Variants in NDST4 observed in about 807,000 individuals in gnomAD.
The protein encoded by NDST4 is N-deacetylase and N-sulfotransferase 4.
In NDST4, 63 loss-of-function variants were observed where a neutral mutation model predicts 100.8. The ratio of observed to expected loss-of-function variants is 0.62; its 90% confidence interval spans 0.51 to 0.77. NDST4 has a LOEUF of 0.77. NDST4 is among the 30% of genes least tolerant of loss of function. The pLI is 0.00. For synonymous variants in NDST4, 377 were observed against 361.8 expected (o/e 1.04, Z -0.48); for missense variants, 943 against 1,018.4 (o/e 0.93, Z 1.01).
chr4:114,845,545 A>T (rs556275017), intron 10 of NDST4, among the ~76,000 whole-genome samples: 1 of 152,328 alleles, frequency 6.6e-6, no homozygotes, highest in African/African-American at 2.4e-5. Flanking sequence ...AATTTTTGAT[A>T]AATCAACATT....
intron 2 of NDST4, among the ~76,000 whole-genome samples, chr4:115,062,163 G>A (rs1728838599): frequency 6.6e-6 from 1 of 151,932 alleles, no homozygotes; most frequent in Non-Finnish European, 1.5e-5. Flanking sequence ...TAGTCAATGG[G>A]TAGAGAGTTT....
At chr4:115,040,209 G>A (rs1728321684) in intron 2 of NDST4, among the ~76,000 whole-genome samples, 1 of 150,338 alleles carries the variant, frequency 6.7e-6, no homozygotes, top group Non-Finnish European at 1.5e-5. Flanking sequence ...TAAATTTTAA[G>A]AAGTAATCTA....
At chr4:114,946,930 G>A (rs1444729334) in intron 4 of NDST4, among the ~76,000 whole-genome samples, 1 of 151,918 alleles carries the variant, frequency 6.6e-6, no homozygotes, top group Non-Finnish European at 1.5e-5. Context: ...TTGTATTGAA[G>A]TGGAAGTTGT....
intron 2 of NDST4, among the ~76,000 whole-genome samples, chr4:115,029,575 A>T (rs1202018379): frequency 6.6e-6 from 1 of 152,104 alleles, no homozygotes; most frequent in Admixed American, 6.6e-5. Flanking sequence ...GAAAGGAAGG[A>T]GTAAGCCTAA....
chr4:115,010,321 T>C (rs1727513752), intron 2 of NDST4, among the ~76,000 whole-genome samples: 1 of 126,486 alleles, frequency 7.9e-6, no homozygotes, highest in Admixed American at 8.1e-5. Flanking sequence ...ATTAAGAAAA[T>C]GTGGCACATA....
At position 114,880,118 on chromosome 4, in the gene NDST4, C is replaced by T. The variant is rs572882321; in HGVS notation, c.1537-9168G>A. Among the ~76,000 whole-genome samples, 8 of 152,244 alleles carry T rather than the reference C, an allele frequency of 5.3e-5. No homozygotes were observed. The South Asian group carries it at 1.7e-3, about 32-fold the overall frequency. ...CTGTTCTAACTGAGAACAGAAGGCT[C>T]CTGCTATATTTCAGTGAGCAGGTGC... On this transcript the variant is annotated intron_variant, in intron 6 of 13. Coordinates refer to ENST00000264363, the MANE Select transcript of NDST4 (RefSeq NM_022569.3).
At chr4:115,000,520 C>A (rs919994966) in intron 2 of NDST4, among the ~76,000 whole-genome samples, 1 of 151,986 alleles carries the variant, frequency 6.6e-6, no homozygotes, top group African/African-American at 2.4e-5. Context: ...AAAGGATTGT[C>A]AGTAATTTAA....
chr4:114,908,852 TCTA>T (rs1725005988), intron 6 of NDST4, among the ~76,000 whole-genome samples: 1 of 152,218 alleles, frequency 6.6e-6, no homozygotes, highest in Non-Finnish European at 1.5e-5. Context: ...TTTAACATTT[TCTA>T]CTTTCATAAT....
chr4:114,873,504 T>A (rs1255563746), intron 6 of NDST4, among the ~76,000 whole-genome samples: 1 of 151,940 alleles, frequency 6.6e-6, no homozygotes, highest in Non-Finnish European at 1.5e-5. Context: ...TAACTTAAAT[T>A]TCTACCTAGA....
chr4:114,945,303 G>A (rs938863559), intron 4 of NDST4, among the ~76,000 whole-genome samples: 1 of 149,360 alleles, frequency 6.7e-6, no homozygotes, highest in African/African-American at 2.5e-5. Flanking sequence ...TACACAAATC[G>A]CTGGGCAGAA....
chr4:115,058,699 A>G (rs1578489279), intron 2 of NDST4, among the ~76,000 whole-genome samples: 2 of 152,236 alleles, frequency 1.3e-5, no homozygotes, highest in South Asian at 2.1e-4. Context: ...TAAAGGCAAC[A>G]ACGTTTGAAA....
chr4:115,044,319 A>T (rs556145871), intron 2 of NDST4, among the ~76,000 whole-genome samples: 17 of 152,180 alleles, frequency 1.1e-4, no homozygotes, highest in Non-Finnish European at 2.1e-4. Flanking sequence ...TTAAAGATTC[A>T]GGGGCAACAA....
chr4:114,853,021 A>G (rs1417182068), intron 7 of NDST4, among the ~76,000 whole-genome samples, 200 bp from the exon 8 acceptor site: 1 of 152,284 alleles, frequency 6.6e-6, no homozygotes. Flanking sequence ...GGGACTCAGC[A>G]TCAAGTCCTT....
intron 7 of NDST4, among the ~76,000 whole-genome samples, chr4:114,854,417 G>A (rs1230572179): frequency 6.6e-6 from 1 of 152,118 alleles, no homozygotes; most frequent in Non-Finnish European, 1.5e-5. Context: ...TGGCTATTGT[G>A]AATAGTGCTG....
chr4:114,887,497 T>C (rs1724504337), intron 6 of NDST4, among the ~76,000 whole-genome samples: 1 of 152,150 alleles, frequency 6.6e-6, no homozygotes, highest in Non-Finnish European at 1.5e-5. Flanking sequence ...AGTTTTTGAT[T>C]AACAAGGATA....
chr4:115,109,865 T>C (rs551248), intron 1 of NDST4, among the ~76,000 whole-genome samples: 26,924 of 151,798 alleles, frequency 0.18, 2,756 homozygotes, highest in East Asian at 0.43. Flanking sequence ...TGAATACTGA[T>C]GAATATAGAC....
chr4:115,052,818 A>G (rs769569008), intron 2 of NDST4, among the ~76,000 whole-genome samples: 2 of 152,122 alleles, frequency 1.3e-5, no homozygotes, highest in Non-Finnish European at 2.9e-5. Context: ...AACACTGTAC[A>G]GTGTTAACAC....
At chr4:114,990,104 A>C (rs1198943660) in intron 2 of NDST4, among the ~76,000 whole-genome samples, 1 of 152,138 alleles carries the variant, frequency 6.6e-6, no homozygotes, top group Non-Finnish European at 1.5e-5. Flanking sequence ...AATATTTTGA[A>C]GAAAAGATGA....
intron 4 of NDST4, among the ~76,000 whole-genome samples, chr4:114,962,256 A>G (rs1726279735): frequency 6.6e-6 from 1 of 152,094 alleles, no homozygotes; most frequent in South Asian, 2.1e-4. Flanking sequence ...TAAAACAAGG[A>G]TATTTGTTCT....
Sources: allele counts gnomAD v4.1 joint callset (sites outside exome capture counted in the v4.1 genomes callset), GRCh38; gene constraint gnomAD v4.1.1; transcripts MANE v1.5; gene names NCBI Gene and HGNC (gene_info 2026-07-23, HGNC 2026-07-21).